The following C17orf75 variants were observed in gnomAD, a reference collection of about 807,000 sequenced individuals.
The protein encoded by C17orf75 is protein Njmu-R1.
C17orf75 carries 32 observed loss-of-function variants against 49.6 expected under a neutral mutation model. That is an observed-to-expected ratio of 0.65 (90% CI 0.49 to 0.87). C17orf75 has a LOEUF of 0.87. Among genes scored for constraint, C17orf75 ranks in the 40% least tolerant of loss-of-function variants. The pLI, the probability that C17orf75 is intolerant of heterozygous loss-of-function variation, is 0.00. For synonymous variants in C17orf75, 158 were observed against 159.5 expected (o/e 0.99, Z 0.07); for missense variants, 428 against 473.9 (o/e 0.90, Z 0.90).
rs753998906 is a variant in C17orf75, at chr17:32,333,567, CTTTA to C, written c.872-51_872-48del. ...CTAAATAAAATGAAATTTTACAAAG[CTTTA>C]TTTATTTATTTATTTGAGACGGGAG... On this transcript the variant is annotated intron_variant, in intron 8 of 9. Coordinates refer to ENST00000577809, the MANE Select transcript of C17orf75 (RefSeq NM_022344.4). 5.6e-4 allele frequency: 827 copies of C among 1,483,574 alleles called. 1 individual carries two copies. Among genetic ancestry groups the C allele is most frequent in the African/African-American group, 1.6e-3 (111 of 70,758 alleles). The allele number at this position is 1,483,574 out of a possible 1,614,324, so 91.9% of individuals were successfully genotyped here.
chr17:32,339,434 A>G (rs1390112339), intron 3 of C17orf75, among the ~76,000 whole-genome samples: 1 of 151,784 alleles, frequency 6.6e-6, no homozygotes, highest in Non-Finnish European at 1.5e-5. Context: ...AAAAAATTAA[A>G]AAAATTGCTG....
rs556817096 is a variant in C17orf75 at position 32,347,444 on chromosome 17, A to AT, written c.-7+2497dup. Among the ~76,000 whole-genome samples, 52 of 150,658 alleles carry AT rather than the reference A, an allele frequency of 3.5e-4. No homozygotes were observed. In the East Asian group the frequency reaches 8.6e-3, roughly 25 times the overall value. On this transcript the variant is annotated intron_variant, in intron 1 of 8. Coordinates refer to the C17orf75 transcript ENST00000583774. ...CAGGCGCCCGCCACCACACTCAGCT[A>AT]TTTTTTTTGTATTTTTTAGTAGAGA... is the stretch of plus-strand genomic sequence containing the variant.
At chr17:32,341,093 G>T (rs527653029) in intron 2 of C17orf75, 111 bp downstream of exon 2, 2 of 1,149,780 alleles carry the variant, frequency 1.7e-6, no homozygotes, top group Non-Finnish European at 2.6e-6. Flanking sequence ...AGGAATTGAC[G>T]GTTTGACTCA....
intron 1 of C17orf75, chr17:32,349,860 A>G (rs1597745427): frequency 4.2e-6 from 4 of 948,674 alleles, no homozygotes; most frequent in South Asian, 8.3e-5. Context: ...CTCTATCTTT[A>G]TTTGTGATCG....
At chr17:32,337,489 T>C (rs1414168606) in intron 5 of C17orf75, among the ~76,000 whole-genome samples, 2 of 152,092 alleles carry the variant, frequency 1.3e-5, no homozygotes, top group East Asian at 3.8e-4. Flanking sequence ...ACCTCTCTAC[T>C]AGCTCACAAG....
At chr17:32,343,773 T>C (rs201784875), upstream of C17orf75, 2 of 640,164 alleles carry the variant, frequency 3.1e-6, no homozygotes, top group East Asian at 5.5e-5. Flanking sequence ...AAAAGAGGAT[T>C]CTGATTGCGG....
At chr17:32,333,136 C>T (rs1468743828) in intron 9 of C17orf75, among the ~76,000 whole-genome samples, 1 of 152,060 alleles carries the variant, frequency 6.6e-6, no homozygotes, top group Admixed American at 6.6e-5. Context: ...AAAACTTAGC[C>T]ACTGAACCAG....
intron 5 of C17orf75, among the ~76,000 whole-genome samples, chr17:32,337,644 G>A (rs1164655671): frequency 6.6e-6 from 1 of 151,928 alleles, no homozygotes; most frequent in Non-Finnish European, 1.5e-5. Flanking sequence ...TGCAATCTCG[G>A]CTCACTGAAA....
Position 32,339,842 on chromosome 17 carries a change from C to T in C17orf75, c.318G>A (p.Gly106=). ...GCTCCACAGATGCAACATTACCCAG[C>T]CCTTCAAAGACTGCACCTCTTGAAA... ...KRLSRGAVFE[G]LGNVASVELK... is the part of the protein sequence containing the mutation. The change falls in exon 3 of 10, where the codon GGG becomes GGA. Residue 106 remains glycine (G), a synonymous_variant. Transcript: ENST00000577809. The T allele has an allele frequency of 6.2e-7, 1 of 1,614,016 alleles. No individual in the cohort carries two copies. The highest frequency in any genetic ancestry group is 8.5e-7 in the Non-Finnish European group (1 of 1,179,888).
At chr17:32,334,408 C>A in intron 8 of C17orf75, 61 bp downstream of exon 8, 1 of 1,547,444 alleles carries the variant, frequency 6.5e-7, no homozygotes. Context: ...CATAGGCTCT[C>A]AGTGCAAAGA....
chr17:32,342,094 G>A lies in C17orf75; in HGVS notation c.46C>T (p.Leu16=). 2 of 1,599,706 alleles carry A rather than the reference G, an allele frequency of 1.3e-6. No homozygotes were observed. The highest frequency in any genetic ancestry group is 1.7e-6 in the Non-Finnish European group (2 of 1,174,050). The change falls in exon 1 of 10, where the codon CTA becomes TTA. Residue 16 remains leucine (L), a synonymous_variant. Coordinates refer to ENST00000577809, the MANE Select transcript of C17orf75 (RefSeq NM_022344.4). ...QESMDGDEKE[L]ESSEEGGSAE... ...GAGCCTCCCTCTTCGCTGCTCTCTA[G>A]TTCCTTTTCATCTCCATCCATCGAC...
upstream of C17orf75, among the ~76,000 whole-genome samples, chr17:32,345,779 C>T (rs2041421099): frequency 6.6e-6 from 1 of 152,040 alleles, no homozygotes; most frequent in African/African-American, 2.4e-5. Flanking sequence ...AACTCCTGAC[C>T]TCGTGATCTG....
rs779766504 is a variant in C17orf75, at chr17:32,334,592, C to T, written c.748G>A (p.Ala250Thr). The T allele has an allele frequency of 1.2e-6, 2 of 1,611,310 alleles. No homozygotes were observed. The highest frequency in any genetic ancestry group is 8.5e-7 in the Non-Finnish European group (1 of 1,179,214). Reference protein sequence around the residue: ...KRDINRFLSVASLQGLIHEGT... With the variant: ...KRDINRFLSVTSLQGLIHEGT... ...TCATGAATAAGTCCTTGAAGACTGG[C>T]CACACTCAGAAACCTGCCACACACA... Residue 250 changes from alanine to threonine, a missense_variant, in exon 8 of 10, where the codon GCC becomes ACC. Ala to Thr is a moderately conservative substitution (Grantham distance 58, BLOSUM62 0). Transcript: ENST00000577809.
chr17:32,330,802 A>AATG lies in C17orf75; in HGVS notation c.*958_*960dup, dbSNP rs2041266538. On this transcript the variant is annotated 3_prime_UTR_variant, in exon 10 of 10. Transcript: ENST00000577809. ...CTTCATAAATACCTGTGAACAAATA[A>AATG]ATGAAATGGTGACTGAAGGCGATTT... The AATG allele has an allele frequency of 6.6e-6, 1 of 152,136 alleles. No homozygotes were observed. Among genetic ancestry groups the AATG allele is most frequent in the Non-Finnish European group, 1.5e-5 (1 of 68,018 alleles). 9.4% of individuals were successfully genotyped at this position (152,136 alleles called of 1,614,324 possible).
At position 32,330,599 on chromosome 17, in the gene C17orf75, A is replaced by AAAC. The variant is rs2041265485; in HGVS notation, c.*1161_*1163dup. On this transcript the variant is annotated 3_prime_UTR_variant, in exon 10 of 10. Coordinates refer to ENST00000577809, the MANE Select transcript of C17orf75 (RefSeq NM_022344.4). The stretch of plus-strand genomic sequence containing the variant: ...GGGCACTTTCAATTGATTCAGAGTA[A>AAAC]AACAATCTGAGGCTTGTAACAAATG... 1 of 152,258 alleles carries AAAC rather than the reference A, an allele frequency of 6.6e-6. No homozygotes were observed. The highest frequency in any genetic ancestry group is 2.4e-5 in the African/African-American group (1 of 41,462). The allele number at this position is 152,258 out of a possible 1,614,324, so 9.4% of individuals were successfully genotyped here. A position where few individuals can be genotyped will look rare whatever the true frequency, so the allele number is the denominator to read the frequency against.
intron 1 of C17orf75, among the ~76,000 whole-genome samples, chr17:32,347,417 T>A (rs940627103): frequency 1.3e-5 from 2 of 152,066 alleles, no homozygotes; most frequent in African/African-American, 2.4e-5. Context: ...TAGCTGGGAT[T>A]ACAGGCGCCC....
intron 5 of C17orf75, among the ~76,000 whole-genome samples, chr17:32,336,360 C>T (rs2041325855): frequency 6.6e-6 from 1 of 152,054 alleles, no homozygotes; most frequent in African/African-American, 2.4e-5. Flanking sequence ...ACTACAGGTG[C>T]GTGCCACCAT....
intron 3 of C17orf75, among the ~76,000 whole-genome samples, chr17:32,338,646 T>TA (rs1052334128): frequency 3.9e-5 from 6 of 152,036 alleles, no homozygotes; most frequent in African/African-American, 1.2e-4. Flanking sequence ...ATGTTTATAT[T>TA]AAAAAAAAGT....
chr17:32,345,698 C>T (rs1362690392), upstream of C17orf75, among the ~76,000 whole-genome samples: 3 of 151,912 alleles, frequency 2.0e-5, no homozygotes, highest in South Asian at 2.1e-4. Context: ...GGCGTGGTGG[C>T]GCATGCCTGT....
Sources: gnomAD v4.1 joint callset for allele counts (sites outside exome capture counted in the v4.1 genomes callset) on GRCh38, gnomAD v4.1.1 for gene constraint, MANE v1.5 for transcripts, NCBI Gene and HGNC (gene_info 2026-07-23, HGNC 2026-07-21) for gene names.